Variants in MPP7 observed in about 807,000 individuals in gnomAD.
MPP7 encodes MAGUK p55 scaffold protein 7.
A neutral mutation model predicts 76.5 loss-of-function variants in MPP7; 60 were observed. The ratio of observed to expected loss-of-function variants is 0.78; its 90% CI spans 0.64 to 0.97. The LOEUF (loss-of-function observed/expected upper bound fraction) is 0.97. MPP7 is among the 50% of genes least tolerant of loss of function. The pLI is 0.00. For missense variants in MPP7, 641 were observed against 694.0 expected (o/e 0.92, Z 0.86); for synonymous variants, 237 against 244.5 (o/e 0.97, Z 0.29).
chr10:28,299,390 G>A (rs548024208), intron 1 of MPP7, among the ~76,000 whole-genome samples: 1 of 152,270 alleles, frequency 6.6e-6, no homozygotes, highest in African/African-American at 2.4e-5. Context: ...TGGCCAGTTG[G>A]TGGAGATATC....
Position 28,120,377 on chromosome 10 carries a change from G to A in MPP7, c.704C>T (p.Ala235Val), listed in dbSNP as rs1834797464. ...PSKEGKMFIK[A>V]LFDYNPNEDK... ...CTCATTAGGATTATAGTCAAAGAGGGCTTTGATAAACATCTGGAAGAAAAG... is the reference window on the plus strand; with the variant it reads ...CTCATTAGGATTATAGTCAAAGAGGACTTTGATAAACATCTGGAAGAAAAG... The change falls in exon 10 of 17, where the codon GCC (alanine) becomes GTC (valine). Residue 235 changes from alanine to valine, a missense_variant. By Grantham distance (64) the Ala-to-Val change is moderately conservative. Transcript: ENST00000683449. The A allele has an allele frequency of 6.2e-7, 1 of 1,607,958 alleles. No homozygotes were observed. The highest frequency in any genetic ancestry group is 1.3e-5 in the African/African-American group (1 of 74,538).
rs547532364 is a variant in MPP7, at chr10:28,320,762, A to G, written c.-132+9167T>C. ...TTCACTAATTTAGAATAATTACTTA[A>G]TATCTACATCAAGCCTACATCTCCT... On this transcript the variant is annotated intron_variant, in intron 2 of 11. Transcript: ENST00000441595. Among the ~76,000 whole-genome samples the G allele has an allele frequency of 4.6e-5, 7 of 151,956 alleles. No homozygotes were observed. The East Asian group carries it at 1.4e-3, about 29-fold the overall frequency.
intron 2 of MPP7, among the ~76,000 whole-genome samples, chr10:28,222,052 A>T (rs906242383): frequency 6.6e-6 from 1 of 152,186 alleles, no homozygotes; most frequent in Non-Finnish European, 1.5e-5. Context: ...AAAAGTTCAT[A>T]TTCACAAACA....
At chr10:28,224,173 A>C (rs1838612663) in intron 2 of MPP7, among the ~76,000 whole-genome samples, 1 of 152,150 alleles carries the variant, frequency 6.6e-6, no homozygotes, top group African/African-American at 2.4e-5. Context: ...CAATAGAGTG[A>C]AACTCCATCT....
At chr10:28,102,097 T>C (rs901503512) in intron 11 of MPP7, among the ~76,000 whole-genome samples, 8 of 87,034 alleles carry the variant, frequency 9.2e-5, no homozygotes. Flanking sequence ...CTGCAATTCA[T>C]GCAATTCATG....
intron 3 of MPP7, among the ~76,000 whole-genome samples, chr10:28,153,023 G>T (rs1835932169): frequency 1.3e-5 from 2 of 152,152 alleles, no homozygotes; most frequent in African/African-American, 2.4e-5. Context: ...GGAGGCCAAG[G>T]TGGGCAGATC....
chr10:28,176,795 C>A (rs113869826), intron 3 of MPP7, among the ~76,000 whole-genome samples: 4,565 of 144,648 alleles, frequency 0.032, 84 homozygotes, highest in South Asian at 0.062. Flanking sequence ...CCAAACACCA[C>A]ATGTTCTCAC....
At chr10:28,101,531 T>G (rs1247731588) in intron 11 of MPP7, among the ~76,000 whole-genome samples, 1 of 152,156 alleles carries the variant, frequency 6.6e-6, no homozygotes, top group Non-Finnish European at 1.5e-5. Context: ...TTTAACTTTA[T>G]GGCAAACCCC....
At chr10:28,214,429 C>T (rs1765165979) in intron 2 of MPP7, among the ~76,000 whole-genome samples, 1 of 152,176 alleles carries the variant, frequency 6.6e-6, no homozygotes, top group South Asian at 2.1e-4. Flanking sequence ...TTTAACTTAA[C>T]ACACTTGCCA....
chr10:28,233,911 A>C (rs1262165367), intron 2 of MPP7, among the ~76,000 whole-genome samples: 1 of 151,482 alleles, frequency 6.6e-6, no homozygotes, highest in African/African-American at 2.4e-5. Flanking sequence ...AAAGGAAAGG[A>C]GAGGCAGAGG....
At chr10:28,186,207 A>T (rs954806609) in intron 3 of MPP7, among the ~76,000 whole-genome samples, 4 of 152,034 alleles carry the variant, frequency 2.6e-5, no homozygotes, top group Non-Finnish European at 5.9e-5. Flanking sequence ...TTAGCTGGCC[A>T]TGGTGGCAGG....
chr10:28,097,130 C>T (rs984298859), intron 11 of MPP7, among the ~76,000 whole-genome samples: 14 of 152,138 alleles, frequency 9.2e-5, no homozygotes, highest in Admixed American at 8.5e-4. Context: ...GCTGGACATA[C>T]AGGCACACGC....
At chr10:28,285,185 C>T (rs1252674026) in intron 1 of MPP7, among the ~76,000 whole-genome samples, 2 of 152,034 alleles carry the variant, frequency 1.3e-5, no homozygotes, top group Non-Finnish European at 2.9e-5. Flanking sequence ...GGCATTTAAC[C>T]TACCTTTTCT....
intron 3 of MPP7, among the ~76,000 whole-genome samples, chr10:28,172,503 C>T (rs1275434179): frequency 5.9e-5 from 9 of 152,184 alleles, no homozygotes; most frequent in Admixed American, 5.9e-4. Context: ...AATATCAAGA[C>T]TCTACTACAC....
chr10:28,197,158 T>C (rs1293049295), intron 3 of MPP7, among the ~76,000 whole-genome samples: 1 of 149,210 alleles, frequency 6.7e-6, no homozygotes, highest in Non-Finnish European at 1.5e-5. Flanking sequence ...ATCCATCCCA[T>C]AAACTCTAAC....
intron 11 of MPP7, among the ~76,000 whole-genome samples, chr10:28,098,502 T>C (rs1448368981): frequency 2.0e-5 from 3 of 151,668 alleles, no homozygotes; most frequent in Non-Finnish European, 4.4e-5. Flanking sequence ...TGTAATATTA[T>C]ATATGTTTCA....
At chr10:28,113,733 A>T (rs1485772606) in intron 11 of MPP7, among the ~76,000 whole-genome samples, 5 of 152,212 alleles carry the variant, frequency 3.3e-5, no homozygotes, top group Non-Finnish European at 7.3e-5. Context: ...AGAAAAAAAA[A>T]TACAACACAC....
At chr10:28,186,368 AAGAG>A (rs1224239302) in intron 3 of MPP7, among the ~76,000 whole-genome samples, 3 of 151,452 alleles carry the variant, frequency 2.0e-5, no homozygotes, top group Non-Finnish European at 4.4e-5. Flanking sequence ...AAGAGAAAGA[AAGAG>A]AGAGAGAGAG....
chr10:28,306,490 AT>A (rs1420583746), upstream of MPP7, among the ~76,000 whole-genome samples: 2 of 152,036 alleles, frequency 1.3e-5, no homozygotes, highest in East Asian at 3.9e-4. Context: ...TTTACAAAAA[AT>A]TTAAAAATTA....
Sources: allele counts gnomAD v4.1 joint callset (sites outside exome capture counted in the v4.1 genomes callset), GRCh38; gene constraint gnomAD v4.1.1; transcripts MANE v1.5; gene names NCBI Gene and HGNC (gene_info 2026-07-23, HGNC 2026-07-21).